PAQR5: variants seen among roughly 807,000 people sequenced by gnomAD.
The protein encoded by PAQR5 is progestin and adipoQ receptor family member 5.
In PAQR5, 20 loss-of-function variants were observed where a neutral mutation model predicts 34.5. The observed-to-expected ratio is 0.58, with a 90% confidence interval of 0.41 to 0.84. PAQR5 has a LOEUF of 0.84. Ranked by LOEUF, PAQR5 falls within the 40% of genes least tolerant of loss-of-function variation. PAQR5 has a pLI of 0.00. For missense variants in PAQR5, 378 were observed against 412.7 expected (o/e 0.92, Z 0.73); for synonymous variants, 131 against 155.6 (o/e 0.84, Z 1.18).
At chr15:69,313,846 G>T (rs763033884) in intron 1 of PAQR5, among the ~76,000 whole-genome samples, 1 of 152,124 alleles carries the variant, frequency 6.6e-6, no homozygotes, top group African/African-American at 2.4e-5. Flanking sequence ...CAACAGTGAG[G>T]GTGGGGATCT....
chr15:69,313,184 C>A (rs1227175894), intron 1 of PAQR5, among the ~76,000 whole-genome samples: 1 of 152,118 alleles, frequency 6.6e-6, no homozygotes, highest in Non-Finnish European at 1.5e-5. Flanking sequence ...CCCTATAGTC[C>A]CCATTGCCAA....
chr15:69,326,786 G>A (rs930805125), intron 1 of PAQR5, among the ~76,000 whole-genome samples: 3 of 151,594 alleles, frequency 2.0e-5, no homozygotes, highest in African/African-American at 4.8e-5. Context: ...TAGGTTTATA[G>A]AAAAATTGTG....
intron 2 of PAQR5, among the ~76,000 whole-genome samples, chr15:69,357,427 C>T (rs751907513): frequency 6.6e-6 from 1 of 151,380 alleles, no homozygotes; most frequent in East Asian, 1.9e-4. Context: ...CCATGCCTGG[C>T]TAATTTTTGT....
At chr15:69,323,607 A>C (rs972336625) in intron 1 of PAQR5, among the ~76,000 whole-genome samples, 1 of 152,166 alleles carries the variant, frequency 6.6e-6, no homozygotes. Flanking sequence ...GAGTTAGAGG[A>C]CTCATTCATT....
At chr15:69,382,241 G>A (rs1222994726) in intron 4 of PAQR5, among the ~76,000 whole-genome samples, 1 of 152,152 alleles carries the variant, frequency 6.6e-6, no homozygotes, top group African/African-American at 2.4e-5. Context: ...GACAAACCAC[G>A]GGGATGGTGG....
intron 1 of PAQR5, among the ~76,000 whole-genome samples, chr15:69,300,571 C>G (rs1433162180): frequency 2.1e-5 from 3 of 144,620 alleles, no homozygotes; most frequent in East Asian, 4.1e-4. Flanking sequence ...TTCTTTCTTT[C>G]TCTTTCTTTC....
At chr15:69,333,018 A>G (rs2054422057) in intron 1 of PAQR5, among the ~76,000 whole-genome samples, 1 of 152,292 alleles carries the variant, frequency 6.6e-6, no homozygotes, top group African/African-American at 2.4e-5. Flanking sequence ...TTAAAAGTGG[A>G]TAAACAAGCA....
At chr15:69,383,992 C>T (rs1377869041) in intron 4 of PAQR5, among the ~76,000 whole-genome samples, 5 of 74,588 alleles carry the variant, frequency 6.7e-5, no homozygotes, top group Admixed American at 4.1e-4. Context: ...GGAGGGTGAG[C>T]GGGCCCTCTG....
chr15:69,308,485 T>C (rs1244336562), intron 1 of PAQR5, among the ~76,000 whole-genome samples: 1 of 152,160 alleles, frequency 6.6e-6, no homozygotes, highest in African/African-American at 2.4e-5. Context: ...GGGACTGTCC[T>C]GTGCACTGCA....
chr15:69,321,598 A>G (rs1005379104), intron 1 of PAQR5, among the ~76,000 whole-genome samples: 1 of 152,214 alleles, frequency 6.6e-6, no homozygotes, highest in Non-Finnish European at 1.5e-5. Context: ...TTGTTTTACA[A>G]TTAGTTTGTT....
intron 1 of PAQR5, among the ~76,000 whole-genome samples, chr15:69,312,539 C>A (rs1021438124): frequency 1.3e-5 from 2 of 151,554 alleles, no homozygotes; most frequent in Non-Finnish European, 2.9e-5. Flanking sequence ...TTCTGCTTGT[C>A]ACAGCAGCGG....
intron 1 of PAQR5, among the ~76,000 whole-genome samples, chr15:69,310,393 C>T (rs1047344231): frequency 1.3e-5 from 2 of 152,152 alleles, no homozygotes; most frequent in Non-Finnish European, 2.9e-5. Context: ...ATTTACCACA[C>T]CCTCCAACAG....
intron 1 of PAQR5, among the ~76,000 whole-genome samples, chr15:69,304,956 G>A (rs927576958): frequency 2.0e-5 from 3 of 152,212 alleles, no homozygotes; most frequent in Non-Finnish European, 4.4e-5. Flanking sequence ...CTGGTAGAGA[G>A]CCTTGGATTC....
At chr15:69,376,321 G>A (rs2055704395) in intron 3 of PAQR5, among the ~76,000 whole-genome samples, 2 of 151,700 alleles carry the variant, frequency 1.3e-5, no homozygotes, top group African/African-American at 4.9e-5. Flanking sequence ...ATACAAAATT[G>A]TCTTCAAATA....
intron 1 of PAQR5, among the ~76,000 whole-genome samples, chr15:69,302,310 C>T (rs895409221): frequency 1.3e-5 from 2 of 152,010 alleles, no homozygotes; most frequent in Admixed American, 6.6e-5. Context: ...TGAGTTCAAG[C>T]GATCTGTCTG....
chr15:69,343,592 C>T (rs116829358), intron 2 of PAQR5, among the ~76,000 whole-genome samples: 337 of 152,284 alleles, frequency 2.2e-3, no homozygotes, highest in African/African-American at 7.5e-3. Context: ...AAGCCAATTG[C>T]TTATTCACAA....
In PAQR5 at chr15:69,405,268, T is replaced by C. The variant is rs2056737419; in HGVS notation, c.*1446T>C. 1.2e-5 allele frequency: 4 copies of C among 334,948 alleles called. No homozygotes were observed. In the Admixed American group the frequency reaches 1.9e-4, roughly 16 times the overall value. 20.7% of individuals were successfully genotyped at this position (334,948 alleles called of 1,614,324 possible). On this transcript the variant is annotated 3_prime_UTR_variant, in exon 9 of 9. Coordinates refer to ENST00000395407, the MANE Select transcript of PAQR5 (RefSeq NM_017705.4). ...CCTCACAATGCAGGATCCTCTTTGC[T>C]GACTCAGGAATACTCCATATTTTAG...
At position 69,346,460 on chromosome 15, in the gene PAQR5, C is replaced by T. The variant is rs1055294991; in HGVS notation, c.-116+8959C>T. Among the ~76,000 whole-genome samples the T allele has an allele frequency of 5.9e-5, 9 of 151,850 alleles. No homozygotes were observed. In the East Asian group the frequency reaches 7.7e-4, roughly 13 times the overall value. On this transcript the variant is annotated intron_variant, in intron 2 of 8. Transcript: ENST00000395407. ...AGCTGGGACCACAGGCACATGCCAC[C>T]GTGCCCAGTTAATATTTTTTGTAGG... is the stretch of plus-strand genomic sequence containing the variant.
At chr15:69,314,117 A>G (rs1441738237) in intron 1 of PAQR5, among the ~76,000 whole-genome samples, 1 of 152,126 alleles carries the variant, frequency 6.6e-6, no homozygotes, top group Non-Finnish European at 1.5e-5. Flanking sequence ...CCGTTTCTGA[A>G]ATAGAGGATG....
Sources: gnomAD v4.1 joint callset for allele counts (sites outside exome capture counted in the v4.1 genomes callset) on GRCh38, gnomAD v4.1.1 for gene constraint, MANE v1.5 for transcripts, NCBI Gene and HGNC (gene_info 2026-07-23, HGNC 2026-07-21) for gene names.